CCNB1: variants seen among roughly 807,000 people sequenced by gnomAD.
The protein encoded by CCNB1 is cyclin B1.
CCNB1 carries 26 observed loss-of-function variants against 44.4 expected under a neutral mutation model. The observed-to-expected ratio is 0.59, with a 90% CI of 0.43 to 0.81. The LOEUF is 0.81. CCNB1 is among the 40% of genes least tolerant of loss of function. CCNB1 has a pLI of 0.00. For synonymous variants in CCNB1, 195 were observed against 181.4 expected (o/e 1.08, Z -0.60); for missense variants, 477 against 520.9 (o/e 0.92, Z 0.82).
intron 6 of CCNB1, 41 bp from the exon 7 acceptor site, chr5:69,175,356 A>C (rs769259922): frequency 6.2e-7 from 1 of 1,603,100 alleles, no homozygotes; most frequent in Middle Eastern, 1.7e-4. Flanking sequence ...GCCAAAGGAA[A>C]ATTTTCTGAA....
chr5:69,172,532 C>T (rs1747486716), intron 4 of CCNB1, among the ~76,000 whole-genome samples: 1 of 151,534 alleles, frequency 6.6e-6, no homozygotes. Context: ...GCTGGGATTA[C>T]AGGCCTGAGC....
chr5:69,174,489 C>A, intron 5 of CCNB1, 80 bp downstream of exon 5: 2 of 1,350,014 alleles, frequency 1.5e-6, no homozygotes, highest in Non-Finnish European at 2.1e-6. Flanking sequence ...CCAGTCTGGG[C>A]GCAGTGGCTC....
intron 3 of CCNB1, among the ~76,000 whole-genome samples, chr5:69,169,742 T>C (rs1161251967): frequency 1.3e-5 from 2 of 152,050 alleles, no homozygotes; most frequent in African/African-American, 4.8e-5. Context: ...AACCTCTGCC[T>C]CCCGAGTTCA....
Position 69,177,725 on chromosome 5 carries a change from C to T in CCNB1, c.*94C>T. 2.7e-6 allele frequency: 2 copies of T among 728,792 alleles called. No individual in the cohort carries two copies. Among genetic ancestry groups the T allele is most frequent in the Non-Finnish European group, 4.7e-6 (2 of 429,736 alleles). The allele number at this position is 728,792 out of a possible 1,614,324, so 45.1% of individuals were successfully genotyped here. On this transcript the variant is annotated 3_prime_UTR_variant, in exon 9 of 9. Transcript: ENST00000256442. ...ACTGTTGCATTTACTTTTAATAAAG[C>T]TTGTGGCCCCTTTTACTTTTTTATA...
In CCNB1 at chr5:69,167,250, T is replaced by C; in HGVS notation, c.-13T>C. ...TTCTCCCCGCTGAGCTGCTGCCTGG[T>C]GAAGAGGAAGCCATGGCGCTCCGAG... is the stretch of plus-strand genomic sequence containing the variant. On this transcript the variant is annotated 5_prime_UTR_variant, in exon 1 of 9. Coordinates refer to ENST00000256442, the MANE Select transcript of CCNB1 (RefSeq NM_031966.4). 1 of 1,569,134 alleles carries C rather than the reference T, an allele frequency of 6.4e-7. No individual in the cohort carries two copies. Among genetic ancestry groups the C allele is most frequent in the Non-Finnish European group, 8.6e-7 (1 of 1,158,092 alleles).
chr5:69,177,464 C>A, intron 8 of CCNB1, 60 bp from the exon 9 acceptor site: 2 of 1,254,888 alleles, frequency 1.6e-6, no homozygotes, highest in Non-Finnish European at 2.3e-6. Flanking sequence ...ATACCTGTAT[C>A]ATTGCATCTT....
In CCNB1 at chr5:69,168,087, C is replaced by T; in HGVS notation, c.192+9C>T. On this transcript the variant is annotated intron_variant, in intron 2 of 8. Transcript: ENST00000256442. ...AAATGCCTATGAAGAAGGTAACTCT[C>T]TTCCTGACCTAACTTCTGTAAGAGC... is the stretch of plus-strand genomic sequence containing the variant. 1.2e-6 allele frequency: 2 copies of T among 1,612,582 alleles called. No homozygotes were observed. The highest frequency in any genetic ancestry group is 1.7e-6 in the Non-Finnish European group (2 of 1,179,214).
intron 4 of CCNB1, among the ~76,000 whole-genome samples, chr5:69,173,705 A>G (rs1387559789): frequency 6.6e-6 from 1 of 152,210 alleles, no homozygotes; most frequent in Non-Finnish European, 1.5e-5. Flanking sequence ...GTGGTGAAGA[A>G]TATCGTAAGA....
chr5:69,171,483 C>T (rs1554056676), intron 4 of CCNB1, 31 bp downstream of exon 4: 1 of 1,439,562 alleles, frequency 6.9e-7, no homozygotes, highest in Non-Finnish European at 9.5e-7. Flanking sequence ...TTTTTCTAAA[C>T]TGCATCTAAC....
intron 1 of CCNB1, 88 bp downstream of exon 1, chr5:69,167,371 A>T (rs1561311638): frequency 6.7e-7 from 1 of 1,492,184 alleles, no homozygotes. Context: ...CCCGAGCGGG[A>T]GAGGGCCGCA....
chr5:69,175,630 C>A, intron 7 of CCNB1, 93 bp downstream of exon 7: 4 of 1,153,632 alleles, frequency 3.5e-6, no homozygotes, highest in African/African-American at 1.5e-5. Context: ...TCAAGTGGTT[C>A]ATAAATATGG....
chr5:69,171,101 CCTAAAAAGAA>C (rs1373357414), intron 3 of CCNB1, among the ~76,000 whole-genome samples, 159 bp from the exon 4 acceptor site: 2 of 152,208 alleles, frequency 1.3e-5, no homozygotes, highest in East Asian at 3.9e-4. Flanking sequence ...TTAATCACTT[CCTAAAAAGAA>C]ATGGAATAAA....
intron 3 of CCNB1, among the ~76,000 whole-genome samples, chr5:69,170,387 A>G (rs568052354): frequency 1.4e-4 from 21 of 152,326 alleles, no homozygotes; most frequent in African/African-American, 5.1e-4. Context: ...TGTTTGAACA[A>G]TGGGATAAAG....
chr5:69,177,175 A>G, intron 7 of CCNB1, 64 bp from the exon 8 acceptor site: 2 of 897,554 alleles, frequency 2.2e-6, no homozygotes, highest in East Asian at 2.5e-5. Flanking sequence ...AACATCTAAC[A>G]TCTAGAAACT....
At position 69,177,530 on chromosome 5, in the gene CCNB1, A is replaced by G. The variant is rs1442382721; in HGVS notation, c.1201A>G (p.Lys401Glu). The G allele has an allele frequency of 1.9e-6, 3 of 1,608,950 alleles. No individual in the cohort carries two copies. Among genetic ancestry groups the G allele is most frequent in the Non-Finnish European group, 2.6e-6 (3 of 1,176,072 alleles). Reference protein sequence around the residue: ...NQGLTKHMTVKNKYATSKHAK... With the variant: ...NQGLTKHMTVENKYATSKHAK... ...CTATCTTTTTGTCTTCCAGACTGTCAAGAACAAGTATGCCACATCGAAGCA... is the reference window on the plus strand; with the variant it reads ...CTATCTTTTTGTCTTCCAGACTGTCGAGAACAAGTATGCCACATCGAAGCA... Residue 401 changes from lysine (K) to glutamate (E), a missense_variant, in exon 9 of 9, where the codon AAG becomes GAG. Transcript: ENST00000256442.
Position 69,175,072 on chromosome 5 carries a change from C to G in CCNB1, c.901C>G (p.Leu301Val). ...RALNFGLGRP[L>V]PLHFLRRASK... The stretch of plus-strand genomic sequence containing the variant: ...TTTAAACTTTGGTCTGGGTCGGCCT[C>G]TACCTTTGCACTTCCTTCGGAGAGC... The change falls in exon 6 of 9, where the codon CTA (leucine) becomes GTA (valine). Residue 301 changes from leucine (L) to valine (V), a missense_variant. Transcript: ENST00000256442. 2 of 1,614,176 alleles carry G rather than the reference C, an allele frequency of 1.2e-6. No homozygotes were observed. The highest frequency in any genetic ancestry group is 1.7e-6 in the Non-Finnish European group (2 of 1,180,020).
At position 69,167,902 on chromosome 5, in the gene CCNB1, T is replaced by C. The variant is rs1747371475; in HGVS notation, c.22-6T>C. 6.2e-7 allele frequency: 1 copy of C among 1,607,746 alleles called. No homozygotes were observed. The highest frequency in any genetic ancestry group is 8.5e-7 in the Non-Finnish European group (1 of 1,177,620). On this transcript the variant is annotated splice_polypyrimidine_tract_variant and splice_region_variant and intron_variant, in intron 1 of 8. Coordinates refer to ENST00000256442, the MANE Select transcript of CCNB1 (RefSeq NM_031966.4). Reference sequence around the variant, plus strand: ...TCAGCTCTTAAAGTGGTCTTGCTTCTTTCAGAACTCGAAAATTAATGCTGA... The same window carrying C: ...TCAGCTCTTAAAGTGGTCTTGCTTCCTTCAGAACTCGAAAATTAATGCTGA...
Position 69,174,280 on chromosome 5 carries a change from A to G in CCNB1, c.576A>G (p.Leu192=). 1 of 1,614,088 alleles carries G rather than the reference A, an allele frequency of 6.2e-7. No homozygotes were observed. Among genetic ancestry groups the G allele is most frequent in the South Asian group, 1.1e-5 (1 of 91,074 alleles). The change falls in exon 5 of 9, where the codon CTA becomes CTG. Residue 192 remains leucine, a synonymous_variant. Coordinates refer to ENST00000256442, the MANE Select transcript of CCNB1 (RefSeq NM_031966.4). ...EEEQAVRPKY[L]LGREVTGNMR... The stretch of plus-strand genomic sequence containing the variant: ...AGCAAGCAGTCAGACCAAAATACCT[A>G]CTGGGTCGGGAAGTCACTGGAAACA...
chr5:69,167,270 T>C lies in CCNB1; in HGVS notation c.8T>C (p.Leu3Pro), dbSNP rs756938320. Residue 3 changes from leucine to proline, a missense_variant, in exon 1 of 9, where the codon CTC (leucine) becomes CCC (proline). Leu to Pro is a moderately conservative substitution (Grantham distance 98). Transcript: ENST00000256442. MA[L>P]RVTRNSKINA... ...CCTGGTGAAGAGGAAGCCATGGCGC[T>C]CCGAGTCACCAGGGTGAGCCGCTTC... The C allele has an allele frequency of 2.4e-5, 38 of 1,575,728 alleles. No individual in the cohort carries two copies. Among genetic ancestry groups the C allele is most frequent in the Non-Finnish European group, 3.3e-5 (38 of 1,163,170 alleles).
Sources: gnomAD v4.1 joint callset for allele counts (sites outside exome capture counted in the v4.1 genomes callset) on GRCh38, gnomAD v4.1.1 for gene constraint, MANE v1.5 for transcripts, NCBI Gene and HGNC (gene_info 2026-07-23, HGNC 2026-07-21) for gene names.